CSMD1: variants seen among roughly 807,000 people sequenced by gnomAD.
The protein encoded by CSMD1 is CUB and Sushi multiple domains 1, also known as CUB and sushi domain-containing protein 1.
In CSMD1, 213 loss-of-function variants were observed where a neutral mutation model predicts 417.5. The ratio of observed to expected loss-of-function variants is 0.51; its 90% CI spans 0.46 to 0.57. The LOEUF is 0.57. Among genes scored for constraint, CSMD1 ranks in the 20% least tolerant of loss-of-function variants. The probability of loss-of-function intolerance (pLI) is 0.00; values close to 1 mark genes in which losing one functional copy is unlikely to be tolerated. For synonymous variants in CSMD1, 2,862 were observed against 1,736.8 expected (o/e 1.65, Z -16.11); for missense variants, 6,923 against 4,529.7 (o/e 1.53, Z -15.17).
intron 1 of CSMD1, among the ~76,000 whole-genome samples, chr8:4,655,857 A>G (rs1804197600): frequency 6.6e-6 from 1 of 152,182 alleles, no homozygotes; most frequent in Non-Finnish European, 1.5e-5. Context: ...ACTGAGAAAG[A>G]AAAGAAAAGC....
At chr8:4,705,256 T>A (rs528683340) in intron 1 of CSMD1, among the ~76,000 whole-genome samples, 1 of 152,172 alleles carries the variant, frequency 6.6e-6, no homozygotes, top group East Asian at 1.9e-4. Context: ...TCTCTGGTAT[T>A]TTTTTTATAG....
chr8:4,106,132 G>C (rs1026974961), intron 3 of CSMD1, among the ~76,000 whole-genome samples: 4 of 152,112 alleles, frequency 2.6e-5, no homozygotes, highest in African/African-American at 9.7e-5. Flanking sequence ...AGTGACCATC[G>C]ATTTATTACA....
At chr8:2,948,692 C>T (rs4297057) in intron 68 of CSMD1, among the ~76,000 whole-genome samples, 25,294 of 151,984 alleles carry the variant, frequency 0.17, 2,186 homozygotes, top group African/African-American at 0.22. Context: ...GCTTTGGACA[C>T]GCCTGAATAT....
At chr8:4,632,163 G>C (rs538539642) in intron 2 of CSMD1, among the ~76,000 whole-genome samples, 2 of 152,178 alleles carry the variant, frequency 1.3e-5, no homozygotes, top group Admixed American at 6.5e-5. Context: ...GTTGGGTTCC[G>C]TGCACAGTGG....
chr8:4,421,261 A>C (rs1419549464), intron 2 of CSMD1, among the ~76,000 whole-genome samples: 1 of 152,206 alleles, frequency 6.6e-6, no homozygotes, highest in Admixed American at 6.5e-5. Flanking sequence ...AAAAACAAAA[A>C]ACAGTGAGTT....
intron 1 of CSMD1, among the ~76,000 whole-genome samples, chr8:4,796,261 G>T (rs1242387664): frequency 6.6e-6 from 1 of 151,940 alleles, no homozygotes; most frequent in South Asian, 2.1e-4. Context: ...TGTGAGGCTG[G>T]AACAAGGAGC....
At chr8:4,021,115 G>A (rs1294682090) in intron 4 of CSMD1, among the ~76,000 whole-genome samples, 1 of 152,180 alleles carries the variant, frequency 6.6e-6, no homozygotes, top group Non-Finnish European at 1.5e-5. Context: ...GTTTAAAGTT[G>A]AGGCTCAATA....
intron 2 of CSMD1, among the ~76,000 whole-genome samples, chr8:4,579,203 C>T (rs890484718): frequency 1.3e-5 from 2 of 151,792 alleles, no homozygotes; most frequent in African/African-American, 2.4e-5. Context: ...TGTGGTTGCT[C>T]TGACGGAATC....
rs193077396 is a variant in CSMD1, at chr8:3,253,585, T to G, written c.4154-23354A>C. Among the ~76,000 whole-genome samples the G allele has an allele frequency of 2.9e-3, 444 of 152,304 alleles. 2 individuals are homozygous for G. Among genetic ancestry groups the G allele is most frequent in the African/African-American group, 0.01 (421 of 41,566 alleles). On this transcript the variant is annotated intron_variant, in intron 26 of 69. Transcript: ENST00000635120. ...CTGAGTTCAATTCCTGGATATCCTT[T>G]TTAACTTCCTGTCTCATTGATCTGT... is the stretch of plus-strand genomic sequence containing the variant.
chr8:4,969,562 A>T (rs191394005), intron 1 of CSMD1, among the ~76,000 whole-genome samples: 1 of 151,688 alleles, frequency 6.6e-6, no homozygotes, highest in East Asian at 1.9e-4. Flanking sequence ...CTCTTATCTC[A>T]CAACAGCTCA....
chr8:4,625,213 C>T (rs1225844986), intron 2 of CSMD1, among the ~76,000 whole-genome samples: 2 of 152,034 alleles, frequency 1.3e-5, no homozygotes, highest in East Asian at 1.9e-4. Flanking sequence ...CTACACAGCA[C>T]GTTCTCACCT....
intron 3 of CSMD1, among the ~76,000 whole-genome samples, chr8:4,386,498 G>C (rs1477574311): frequency 6.6e-6 from 1 of 152,208 alleles, no homozygotes; most frequent in Non-Finnish European, 1.5e-5. Flanking sequence ...CTCCAATAGA[G>C]AATCTCAATC....
intron 7 of CSMD1, among the ~76,000 whole-genome samples, chr8:3,655,080 C>G (rs1362805907): frequency 6.6e-6 from 1 of 152,124 alleles, no homozygotes; most frequent in Admixed American, 6.5e-5. Context: ...TGTTTTTTAA[C>G]CAATTTATTT....
chr8:4,924,179 C>G (rs1806695583), intron 1 of CSMD1, among the ~76,000 whole-genome samples: 1 of 152,122 alleles, frequency 6.6e-6, no homozygotes, highest in Admixed American at 6.6e-5. Flanking sequence ...TTGACAATCT[C>G]TGCTAGAAAA....
chr8:3,447,028 A>C (rs1815348967), intron 12 of CSMD1, among the ~76,000 whole-genome samples: 1 of 152,252 alleles, frequency 6.6e-6, no homozygotes, highest in Non-Finnish European at 1.5e-5. Flanking sequence ...TTTCATTTTC[A>C]GGAAGACAGA....
intron 33 of CSMD1, among the ~76,000 whole-genome samples, chr8:3,194,580 C>G (rs560123157): frequency 1.3e-5 from 2 of 151,860 alleles, no homozygotes; most frequent in African/African-American, 4.8e-5. Flanking sequence ...GCCTCAGCCT[C>G]TCAAGAAGCT....
At chr8:4,051,909 TTCCTTTC>T (rs1412119285) in intron 3 of CSMD1, among the ~76,000 whole-genome samples, 1 of 145,228 alleles carries the variant, frequency 6.9e-6, no homozygotes, top group African/African-American at 2.6e-5. Context: ...CCTTCCTTCC[TTCCTTTC>T]TTTCTTTTTC....
chr8:3,893,624 G>A (rs1042686688), intron 5 of CSMD1, among the ~76,000 whole-genome samples: 5 of 151,690 alleles, frequency 3.3e-5, no homozygotes, highest in Non-Finnish European at 5.9e-5. Context: ...TACTTACTGT[G>A]CATGGTGTCT....
In CSMD1 at chr8:4,493,720, A is replaced by C. The variant is rs903156099; in HGVS notation, c.303-73655T>G. Among the ~76,000 whole-genome samples, 4 of 152,172 alleles carry C rather than the reference A, an allele frequency of 2.6e-5. 1 individual carries two copies. Among genetic ancestry groups the C allele is most frequent in the Admixed American group, 2.6e-4 (4 of 15,270 alleles). On this transcript the variant is annotated intron_variant, in intron 2 of 69. Coordinates refer to ENST00000635120, the MANE Select transcript of CSMD1 (RefSeq NM_033225.6). The stretch of plus-strand genomic sequence containing the variant: ...AAAAGAATATCTTAAAATATCAAAA[A>C]CAAAAACCTAATAATTCAACATTTA...
Sources: allele counts gnomAD v4.1 joint callset (sites outside exome capture counted in the v4.1 genomes callset), GRCh38; gene constraint gnomAD v4.1.1; transcripts MANE v1.5; gene names NCBI Gene and HGNC (gene_info 2026-07-23, HGNC 2026-07-21).